The following SPACA7 variants were observed in gnomAD, a reference collection of about 807,000 sequenced individuals.
The protein encoded by SPACA7 is sperm acrosome-associated protein 7.
A neutral mutation model predicts 26.3 loss-of-function variants in SPACA7; 19 were observed. That is an observed-to-expected ratio of 0.72 (90% CI 0.50 to 1.06). The LOEUF is 1.06. Ranked by LOEUF, SPACA7 falls within the 50% of genes least tolerant of loss-of-function variation. The pLI is 0.00. For synonymous variants in SPACA7, 84 were observed against 84.5 expected (o/e 0.99, Z 0.04); for missense variants, 211 against 229.9 (o/e 0.92, Z 0.53).
intron 1 of SPACA7, among the ~76,000 whole-genome samples, chr13:112,388,462 T>G (rs1294333989): frequency 2.6e-5 from 4 of 152,128 alleles, no homozygotes; most frequent in Non-Finnish European, 5.9e-5. Flanking sequence ...TCCATGCAAA[T>G]TGGGTTGGCA....
chr13:112,401,214 T>G, intron 5 of SPACA7, 50 bp downstream of exon 5: 1 of 1,430,108 alleles, frequency 7.0e-7, no homozygotes, highest in Non-Finnish European at 9.9e-7. Flanking sequence ...GACGGAGGCA[T>G]GAGTGTGTGA....
chr13:112,408,396 G>A (rs1188651366), intron 5 of SPACA7, among the ~76,000 whole-genome samples: 1 of 152,048 alleles, frequency 6.6e-6, no homozygotes, highest in African/African-American at 2.4e-5. Flanking sequence ...AAGAAATAAG[G>A]TGTATTTGAT....
At chr13:112,429,719 G>C (rs921121798) in intron 5 of SPACA7, among the ~76,000 whole-genome samples, 2 of 152,104 alleles carry the variant, frequency 1.3e-5, no homozygotes, top group African/African-American at 4.8e-5. Flanking sequence ...TCTCATTGTA[G>C]ATGATATTTT....
chr13:112,408,992 G>C (rs1338709014), intron 5 of SPACA7, among the ~76,000 whole-genome samples: 2 of 152,142 alleles, frequency 1.3e-5, no homozygotes, highest in African/African-American at 4.8e-5. Context: ...AACCAAAACA[G>C]CATGATACTG....
At chr13:112,387,499 T>A (rs1328511928) in intron 1 of SPACA7, among the ~76,000 whole-genome samples, 4 of 152,230 alleles carry the variant, frequency 2.6e-5, no homozygotes, top group African/African-American at 4.8e-5. Context: ...TGCTACCACC[T>A]AAGACTAGTT....
chr13:112,430,174 C>CTGTGTG (rs61438595), intron 5 of SPACA7, among the ~76,000 whole-genome samples: 1,389 of 134,296 alleles, frequency 0.01, 24 homozygotes, highest in African/African-American at 0.033. Flanking sequence ...ATCTCTCTCT[C>CTGTGTG]TGTGTGTGTG....
chr13:112,382,235 C>T, intron 1 of SPACA7: 1 of 545,086 alleles, frequency 1.8e-6, no homozygotes, highest in East Asian at 3.1e-5. Flanking sequence ...TTTTATAGCA[C>T]CTTAATCTTT....
intron 5 of SPACA7, among the ~76,000 whole-genome samples, chr13:112,404,410 C>T (rs1456321790): frequency 1.3e-5 from 2 of 152,302 alleles, no homozygotes; most frequent in South Asian, 2.1e-4. Flanking sequence ...TGTGCAGAAG[C>T]TTTTTCATTT....
At chr13:112,401,442 T>G (rs1885631080) in intron 5 of SPACA7, among the ~76,000 whole-genome samples, 1 of 152,226 alleles carries the variant, frequency 6.6e-6, no homozygotes, top group African/African-American at 2.4e-5. Flanking sequence ...GTTTTTGGTC[T>G]TTTAGCCTCA....
chr13:112,402,801 G>C (rs1885731861), intron 5 of SPACA7, among the ~76,000 whole-genome samples: 1 of 152,044 alleles, frequency 6.6e-6, no homozygotes, highest in Non-Finnish European at 1.5e-5. Flanking sequence ...ATATTAATGA[G>C]TTTCCTAATA....
chr13:112,427,193 G>A (rs540052681), intron 5 of SPACA7, among the ~76,000 whole-genome samples: 1 of 152,354 alleles, frequency 6.6e-6, no homozygotes, highest in East Asian at 1.9e-4. Flanking sequence ...TGAGGGCAAT[G>A]TGGGCTCTGT....
At chr13:112,396,269 G>A (rs79362299) in intron 2 of SPACA7, among the ~76,000 whole-genome samples, 40,331 of 151,120 alleles carry the variant, frequency 0.27, 5,499 homozygotes, top group African/African-American at 0.38. Flanking sequence ...CATGGACGGG[G>A]GTGATCCCCA....
At chr13:112,380,419 A>AAC in intron 1 of SPACA7, among the ~76,000 whole-genome samples, 1 of 151,788 alleles carries the variant, frequency 6.6e-6, no homozygotes, top group Non-Finnish European at 1.5e-5. Flanking sequence ...AAAAAAAAAA[A>AAC]AAAAAAAACC....
intron 5 of SPACA7, among the ~76,000 whole-genome samples, chr13:112,429,711 T>C (rs960538528): frequency 2.0e-5 from 3 of 152,260 alleles, no homozygotes; most frequent in African/African-American, 7.2e-5. Flanking sequence ...ATTTTTCTTC[T>C]CATTGTAGAT....
At chr13:112,418,484 T>C (rs1886828533) in intron 5 of SPACA7, among the ~76,000 whole-genome samples, 1 of 152,214 alleles carries the variant, frequency 6.6e-6, no homozygotes, top group African/African-American at 2.4e-5. Context: ...AATATGTCTG[T>C]GTAAGCCTGT....
intron 1 of SPACA7, among the ~76,000 whole-genome samples, chr13:112,388,195 C>G (rs2138893101): frequency 6.6e-6 from 1 of 152,274 alleles, no homozygotes. Flanking sequence ...ACTAAGAACT[C>G]CAAGAGTATC....
chr13:112,417,851 G>A (rs1886790374), intron 5 of SPACA7, among the ~76,000 whole-genome samples: 1 of 152,116 alleles, frequency 6.6e-6, no homozygotes, highest in Non-Finnish European at 1.5e-5. Flanking sequence ...TGTAGGGCAG[G>A]AACAGAGATT....
At chr13:112,419,194 C>T (rs994594502) in intron 5 of SPACA7, among the ~76,000 whole-genome samples, 6 of 152,104 alleles carry the variant, frequency 3.9e-5, no homozygotes, top group Non-Finnish European at 7.3e-5. Context: ...AACACATGAG[C>T]TTTCTCATTT....
intron 5 of SPACA7, among the ~76,000 whole-genome samples, chr13:112,403,961 C>T (rs555268863): frequency 6.6e-6 from 1 of 152,320 alleles, no homozygotes; most frequent in African/African-American, 2.4e-5. Flanking sequence ...TGCTGGATCA[C>T]ATGGTAGTTC....
Sources: gnomAD v4.1 joint callset for allele counts (sites outside exome capture counted in the v4.1 genomes callset) on GRCh38, gnomAD v4.1.1 for gene constraint, MANE v1.5 for transcripts, NCBI Gene and HGNC (gene_info 2026-07-23, HGNC 2026-07-21) for gene names.